Variants in ANKRD11 observed in about 807,000 individuals in gnomAD.
The protein encoded by ANKRD11 is ankyrin repeat domain 11, also known as ankyrin repeat domain-containing protein 11.
Under a neutral mutation model 195.7 loss-of-function variants are expected in ANKRD11, and 17 were observed. The observed-to-expected ratio is 0.09, with a 90% confidence interval of 0.06 to 0.13. The LOEUF (loss-of-function observed/expected upper bound fraction) is 0.13, where lower values mean the gene tolerates loss of function less well. Among genes scored for constraint, ANKRD11 ranks in the 10% least tolerant of loss-of-function variants. The probability of loss-of-function intolerance (pLI) is 1.00; values close to 1 mark genes in which losing one functional copy is unlikely to be tolerated. For synonymous variants in ANKRD11, 1,953 were observed against 1,528.1 expected, an observed-to-expected ratio of 1.28 and a Z score of -6.49; for missense variants, 3,735 against 3,566.1, an observed-to-expected ratio of 1.05 and a Z score of -1.21.
At chr16:89,330,092 A>T (rs1478409476) in intron 2 of ANKRD11, among the ~76,000 whole-genome samples, 1 of 152,234 alleles carries the variant, frequency 6.6e-6, no homozygotes, top group Non-Finnish European at 1.5e-5. Flanking sequence ...ATAATGTTTA[A>T]AATGATTTAA....
intron 2 of ANKRD11, chr16:89,360,554 T>A (rs892223201): frequency 6.6e-6 from 1 of 152,210 alleles, no homozygotes; most frequent in Admixed American, 6.5e-5. Context: ...GTGGTTCCAA[T>A]ATTTACTTTC....
intron 1 of ANKRD11, among the ~76,000 whole-genome samples, chr16:89,426,855 A>G (rs774175906): frequency 6.6e-6 from 1 of 152,190 alleles, no homozygotes; most frequent in African/African-American, 2.4e-5. Context: ...TGAAGCTCCT[A>G]CTCAACAATC....
chr16:89,454,207 A>T (rs2056325160), intron 1 of ANKRD11, among the ~76,000 whole-genome samples: 1 of 152,120 alleles, frequency 6.6e-6, no homozygotes, highest in Non-Finnish European at 1.5e-5. Flanking sequence ...GCTCTCAGTC[A>T]CTGCCCAGCA....
At chr16:89,352,547 G>C (rs1473234854) in intron 2 of ANKRD11, among the ~76,000 whole-genome samples, 1 of 152,204 alleles carries the variant, frequency 6.6e-6, no homozygotes, top group Non-Finnish European at 1.5e-5. Context: ...CTGCCCCCAA[G>C]AGTGAGGCCC....
In ANKRD11 at chr16:89,274,965, A is replaced by C; in HGVS notation, c.7570-8T>G. ...GGATACGATCAGCTTCTCCTGAAGGAGGAGAGGAGTAGAGTGAGCTGGGAC... is the reference window on the plus strand; with the variant it reads ...GGATACGATCAGCTTCTCCTGAAGGCGGAGAGGAGTAGAGTGAGCTGGGAC... On this transcript the variant is annotated splice_polypyrimidine_tract_variant and splice_region_variant and intron_variant, in intron 10 of 12. Coordinates refer to ENST00000301030, the MANE Select transcript of ANKRD11 (RefSeq NM_013275.6). 2.5e-6 allele frequency: 4 copies of C among 1,613,190 alleles called. No individual in the cohort carries two copies. The highest frequency in any genetic ancestry group is 3.4e-6 in the Non-Finnish European group (4 of 1,179,988).
chr16:89,348,054 C>T (rs532791738), intron 2 of ANKRD11, among the ~76,000 whole-genome samples: 8 of 152,092 alleles, frequency 5.3e-5, no homozygotes, highest in Non-Finnish European at 1.2e-4. Flanking sequence ...CCACCTCAGC[C>T]TCCAGGGTAA....
intron 7 of ANKRD11, chr16:89,286,628 T>TG (rs1184208549): frequency 1.7e-6 from 2 of 1,199,936 alleles, no homozygotes; most frequent in South Asian, 1.5e-5. Flanking sequence ...TGGAAAGGGT[T>TG]GGGGGGACAG....
At chr16:89,354,836 G>A (rs180967456) in intron 2 of ANKRD11, among the ~76,000 whole-genome samples, 53 of 151,760 alleles carry the variant, frequency 3.5e-4, no homozygotes, top group Non-Finnish European at 6.6e-4. Flanking sequence ...GCAGTGAGCC[G>A]AGATCACACC....
At chr16:89,363,179 T>A (rs932912677) in intron 2 of ANKRD11, among the ~76,000 whole-genome samples, 2 of 152,164 alleles carry the variant, frequency 1.3e-5, no homozygotes, top group African/African-American at 2.4e-5. Context: ...TTAAAAAAAA[T>A]ATACGATGTT....
In ANKRD11 at chr16:89,282,465, C is replaced by T. The variant is rs934123336; in HGVS notation, c.4077G>A (p.Lys1359=). The T allele has an allele frequency of 5.6e-6, 9 of 1,614,106 alleles. No homozygotes were observed. Among genetic ancestry groups the T allele is most frequent in the African/African-American group, 1.3e-5 (1 of 75,020 alleles). The part of the protein sequence containing the change: ...RHRHSSSSSK[K]SHDRERAKKE... ...TCTTGGCTCGCTCTCGGTCGTGGCT[C>T]TTCTTGGATGAAGATGAGGAGTGTC... The change falls in exon 9 of 13, where the codon AAG becomes AAA. Residue 1359 remains lysine, a synonymous_variant. Transcript: ENST00000301030.
Position 89,281,414 on chromosome 16 carries a change from G to C in ANKRD11, c.5128C>G (p.Leu1710Val). ...PTGVPTPTSV[L>V]SCPSYEEVMH... Reference sequence around the variant, plus strand: ...ACCTCCTCGTAGCTGGGGCAGGATAGCACCGACGTAGGGGTGGGCACGCCA... The same window carrying C: ...ACCTCCTCGTAGCTGGGGCAGGATACCACCGACGTAGGGGTGGGCACGCCA... Residue 1710 changes from leucine to valine, a missense_variant, in exon 9 of 13, where the codon CTA becomes GTA. By Grantham distance (32) the Leu-to-Val change is conservative. Transcript: ENST00000301030. This position sits in a 1 kb window ranked among gnomAD's most constrained non-coding sequence, Gnocchi z 5.5. 6.2e-7 allele frequency: 1 copy of C among 1,611,292 alleles called. No individual in the cohort carries two copies. The highest frequency in any genetic ancestry group is 8.5e-7 in the Non-Finnish European group (1 of 1,177,978).
intron 1 of ANKRD11, chr16:89,420,482 TG>T (rs2042467159): frequency 6.6e-6 from 1 of 152,178 alleles, no homozygotes; most frequent in Admixed American, 6.5e-5. Flanking sequence ...CTGTTTCCCA[TG>T]TATGAAGAAA....
At chr16:89,325,714 G>A (rs1286856200) in intron 2 of ANKRD11, among the ~76,000 whole-genome samples, 1 of 152,202 alleles carries the variant, frequency 6.6e-6, no homozygotes, top group Non-Finnish European at 1.5e-5. Flanking sequence ...CATTTTTACT[G>A]GGTGGACGTT....
chr16:89,369,183 C>G (rs971872935), intron 2 of ANKRD11, among the ~76,000 whole-genome samples: 2 of 152,134 alleles, frequency 1.3e-5, no homozygotes, highest in Non-Finnish European at 2.9e-5. Flanking sequence ...AGAAGTTTTC[C>G]CAAGAGAGAA....
intron 4 of ANKRD11, chr16:89,300,778 A>G: frequency 3.0e-6 from 2 of 669,748 alleles, no homozygotes; most frequent in Non-Finnish European, 5.4e-6. Flanking sequence ...AGCACTGCAG[A>G]GAGCACACCC....
At chr16:89,399,511 G>A (rs911997894) in intron 2 of ANKRD11, among the ~76,000 whole-genome samples, 2 of 152,182 alleles carry the variant, frequency 1.3e-5, no homozygotes, top group African/African-American at 2.4e-5. Context: ...GGAGAGGGAG[G>A]GACGGAGGGA....
At chr16:89,318,796 G>T (rs563749249) in intron 2 of ANKRD11, among the ~76,000 whole-genome samples, 1 of 152,248 alleles carries the variant, frequency 6.6e-6, no homozygotes, top group Non-Finnish European at 1.5e-5. Flanking sequence ...ATTCTGGAGA[G>T]AGGGACAGGT....
intron 2 of ANKRD11, among the ~76,000 whole-genome samples, chr16:89,416,716 G>C (rs2042325167): frequency 6.6e-6 from 1 of 151,016 alleles, no homozygotes; most frequent in Admixed American, 6.6e-5. Flanking sequence ...GATTGCTTGA[G>C]AGCAGGGGTT....
At chr16:89,481,534 G>A (rs1006089074) in intron 1 of ANKRD11, among the ~76,000 whole-genome samples, 3 of 152,188 alleles carry the variant, frequency 2.0e-5, no homozygotes, top group African/African-American at 7.2e-5. Context: ...TCCACCCTGA[G>A]TGACAGAGCA....
Sources: allele counts gnomAD v4.1 joint callset (sites outside exome capture counted in the v4.1 genomes callset), GRCh38; gene constraint gnomAD v4.1.1; non-coding constraint Gnocchi (gnomAD v3.1); transcripts MANE v1.5; gene names NCBI Gene and HGNC (gene_info 2026-07-23, HGNC 2026-07-21).